NAE1: variants seen among roughly 807,000 people sequenced by gnomAD.
NAE1 encodes the protein NEDD8 activating enzyme E1 subunit 1, also known as NEDD8-activating enzyme E1 regulatory subunit.
Under a neutral mutation model 88.0 loss-of-function variants are expected in NAE1, and 59 were observed. The ratio of observed to expected loss-of-function variants is 0.67; its 90% CI spans 0.54 to 0.83. The LOEUF (loss-of-function observed/expected upper bound fraction) is 0.83, where lower values mean the gene tolerates loss of function less well. Ranked by LOEUF, NAE1 falls within the 40% of genes least tolerant of loss-of-function variation. The pLI is 0.00. For synonymous variants in NAE1, 186 were observed against 208.9 expected, an observed-to-expected ratio of 0.89 and a Z score of 0.95; for missense variants, 554 against 632.8, an observed-to-expected ratio of 0.88 and a Z score of 1.34.
At chr16:66,810,267 T>G (rs1959740856) in intron 15 of NAE1, 107 bp downstream of exon 15, 2 of 862,614 alleles carry the variant, frequency 2.3e-6, no homozygotes, top group Admixed American at 4.4e-5. Context: ...TCTATATCAC[T>G]GAGGCCATGG....
chr16:66,816,494 C>G (rs1286917288), intron 11 of NAE1, 87 bp downstream of exon 11: 2 of 983,838 alleles, frequency 2.0e-6, no homozygotes, highest in Non-Finnish European at 3.2e-6. Context: ...AAAATATTAA[C>G]TTAAATCATT....
chr16:66,810,518 G>A lies in NAE1; in HGVS notation c.1111-105C>T. The A allele has an allele frequency of 1.0e-5, 12 of 1,155,666 alleles. No individual in the cohort carries two copies. The South Asian group carries it at 1.6e-4, about 15-fold the overall frequency. 71.6% of individuals were successfully genotyped at this position (1,155,666 alleles called of 1,614,324 possible). A position where few individuals can be genotyped will look rare whatever the true frequency, so the allele number is the denominator to read the frequency against. On this transcript the variant is annotated intron_variant, in intron 14 of 19. Coordinates refer to ENST00000290810, the MANE Select transcript of NAE1 (RefSeq NM_003905.4). The stretch of plus-strand genomic sequence containing the variant: ...TGAGATGGGAAGGCTTTCTCCAAGA[G>A]CTGGGAGAGCACTTTAAAAATATCT...
At chr16:66,809,180 CA>C in intron 15 of NAE1, 105 bp from the exon 16 acceptor site, 3 of 699,252 alleles carry the variant, frequency 4.3e-6, no homozygotes, top group Non-Finnish European at 7.0e-6. Context: ...CCTTCTCAGA[CA>C]TGAGAATGTG....
chr16:66,828,166 C>T, intron 1 of NAE1: 2 of 980,202 alleles, frequency 2.0e-6, no homozygotes, highest in East Asian at 2.4e-5. Flanking sequence ...TTGATGGATG[C>T]TTAGATAGTT....
At chr16:66,807,392 C>A (rs1253651654) in intron 17 of NAE1, among the ~76,000 whole-genome samples, 2 of 152,118 alleles carry the variant, frequency 1.3e-5, no homozygotes, top group African/African-American at 2.4e-5. Flanking sequence ...GTAATCCCTG[C>A]ACTTTGGGAG....
At position 66,830,846 on chromosome 16, in the gene NAE1, C is replaced by T; in HGVS notation, c.53+1G>A. 6.6e-7 allele frequency: 1 copy of T among 1,519,110 alleles called. No homozygotes were observed. The highest frequency in any genetic ancestry group is 8.8e-7 in the Non-Finnish European group (1 of 1,141,580). 94.1% of individuals were successfully genotyped at this position (1,519,110 alleles called of 1,614,324 possible). A position where few individuals can be genotyped will look rare whatever the true frequency, so the allele number is the denominator to read the frequency against. ...CCTCGGCTCGGTGAGCCTCGGCTCA[C>T]CTCAGCTGCCGGTCGTACTTCTGCT... On this transcript the variant is annotated splice_donor_variant, in intron 1 of 19. Coordinates refer to ENST00000290810, the MANE Select transcript of NAE1 (RefSeq NM_003905.4). LOFTEE classifies it high-confidence loss of function.
chr16:66,813,968 T>C lies in NAE1; in HGVS notation c.841-122A>G. 3 of 935,452 alleles carry C rather than the reference T, an allele frequency of 3.2e-6. No individual in the cohort carries two copies. In the East Asian group the frequency reaches 7.5e-5, roughly 24 times the overall value. 57.9% of individuals were successfully genotyped at this position (935,452 alleles called of 1,614,324 possible). A position where few individuals can be genotyped will look rare whatever the true frequency, so the allele number is the denominator to read the frequency against. On this transcript the variant is annotated intron_variant, in intron 11 of 19. Coordinates refer to ENST00000290810, the MANE Select transcript of NAE1 (RefSeq NM_003905.4). The stretch of plus-strand genomic sequence containing the variant: ...CAAATTGTAATCAAATACAAACTTC[T>C]GATTGGTTTATAATTTTATTTAGAA...
At chr16:66,829,526 G>A (rs1281172723) in intron 1 of NAE1, among the ~76,000 whole-genome samples, 2 of 152,100 alleles carry the variant, frequency 1.3e-5, no homozygotes, top group African/African-American at 4.8e-5. Flanking sequence ...TGCTTTCAAG[G>A]GTACTCTCAG....
chr16:66,824,950 T>C, intron 3 of NAE1, 65 bp from the exon 4 acceptor site: 1 of 1,386,456 alleles, frequency 7.2e-7, no homozygotes, highest in Non-Finnish European at 1.0e-6. Context: ...AAGTTGTTTG[T>C]AATAGCATGC....
At position 66,803,093 on chromosome 16, in the gene NAE1, T is replaced by A; in HGVS notation, c.1521A>T (p.Lys507Asn). 2.5e-6 allele frequency: 4 copies of A among 1,610,476 alleles called. No homozygotes were observed. The highest frequency in any genetic ancestry group is 3.4e-6 in the Non-Finnish European group (4 of 1,177,676). ...LGGAAAQEVI[K>N]IITKQFVIFN... ...AAATTACAAATTGTTTGGTGATTATTTTGATGACCTCTTGAGCAGCAGCTC... is the reference window on the plus strand; with the variant it reads ...AAATTACAAATTGTTTGGTGATTATATTGATGACCTCTTGAGCAGCAGCTC... The change falls in exon 20 of 20, where the codon AAA (lysine) becomes AAT (asparagine). Residue 507 changes from lysine to asparagine, a missense_variant. Coordinates refer to ENST00000290810, the MANE Select transcript of NAE1 (RefSeq NM_003905.4).
chr16:66,827,667 C>T, intron 1 of NAE1: 1 of 300,872 alleles, frequency 3.3e-6, no homozygotes, highest in Non-Finnish European at 6.2e-6. Flanking sequence ...AAAGCTTTAC[C>T]AAGAAAACTG....
intron 13 of NAE1, 170 bp downstream of exon 13, chr16:66,813,394 G>GCCTC (rs1250987815): frequency 1.4e-6 from 1 of 732,666 alleles, no homozygotes; most frequent in East Asian, 2.9e-5. Context: ...TCCCACCTTG[G>GCCTC]CCTCCCAAAG....
At chr16:66,822,048 G>C (rs1960284334) in intron 6 of NAE1, among the ~76,000 whole-genome samples, 1 of 152,022 alleles carries the variant, frequency 6.6e-6, no homozygotes, top group South Asian at 2.1e-4. Flanking sequence ...TGTAGTTTTT[G>C]TAGACACAAG....
chr16:66,824,848 T>TG lies in NAE1; in HGVS notation c.249+6dup. On this transcript the variant is annotated splice_region_variant and intron_variant, in intron 4 of 19. Coordinates refer to ENST00000290810, the MANE Select transcript of NAE1 (RefSeq NM_003905.4). ...CTCACATCCAACTATATTCTCTAATTGTTTACCTTGCCGATACTGCTTCTT... is the reference window on the plus strand; with the variant it reads ...CTCACATCCAACTATATTCTCTAATTGGTTTACCTTGCCGATACTGCTTCTT... The TG allele has an allele frequency of 2.5e-6, 4 of 1,608,478 alleles. No homozygotes were observed. Among genetic ancestry groups the TG allele is most frequent in the Non-Finnish European group, 3.4e-6 (4 of 1,176,304 alleles).
chr16:66,821,225 G>A (rs1382677952), intron 7 of NAE1, among the ~76,000 whole-genome samples: 2 of 152,218 alleles, frequency 1.3e-5, no homozygotes, highest in Admixed American at 1.3e-4. Flanking sequence ...CTCCTAATAA[G>A]ATGAAGAAGC....
At chr16:66,818,715 C>T in intron 7 of NAE1, 78 bp from the exon 8 acceptor site, 1 of 1,470,978 alleles carries the variant, frequency 6.8e-7, no homozygotes, top group Non-Finnish European at 8.9e-7. Context: ...TGCTGTATTA[C>T]CCAGGCTGAA....
chr16:66,824,435 A>G (rs1228454004), intron 4 of NAE1: 1 of 153,434 alleles, frequency 6.5e-6, no homozygotes, highest in African/African-American at 2.4e-5. Context: ...TACTAAAAAT[A>G]CAAAAAATTA....
chr16:66,803,768 T>A (rs1412075021), intron 19 of NAE1, among the ~76,000 whole-genome samples: 2 of 152,060 alleles, frequency 1.3e-5, no homozygotes, highest in East Asian at 1.9e-4. Context: ...TTTTTTTGTA[T>A]TTTTAGTAGA....
chr16:66,826,372 A>G (rs1194897689), intron 3 of NAE1, 151 bp downstream of exon 3: 1 of 678,796 alleles, frequency 1.5e-6, no homozygotes, highest in Non-Finnish European at 2.5e-6. Flanking sequence ...CTGTACTAGC[A>G]CTTTACCTAT....
Sources: allele counts gnomAD v4.1 joint callset (sites outside exome capture counted in the v4.1 genomes callset), GRCh38; gene constraint gnomAD v4.1.1; transcripts MANE v1.5; gene names NCBI Gene and HGNC (gene_info 2026-07-23, HGNC 2026-07-21).